Variants in GTF2F2 observed in about 807,000 individuals in gnomAD.
The protein encoded by GTF2F2 is general transcription factor IIF subunit 2, also known as ATP-dependent helicase GTF2F2.
GTF2F2 carries 23 observed loss-of-function variants against 42.2 expected under a neutral mutation model. The observed-to-expected ratio is 0.55, with a 90% confidence interval of 0.39 to 0.77. The LOEUF (loss-of-function observed/expected upper bound fraction) is 0.77, where lower values mean the gene tolerates loss of function less well. Among genes scored for constraint, GTF2F2 ranks in the 30% least tolerant of loss-of-function variants. GTF2F2 has a pLI of 0.00. For missense variants in GTF2F2, 261 were observed against 287.2 expected, an observed-to-expected ratio of 0.91 and a Z score of 0.66; for synonymous variants, 105 against 100.8, an observed-to-expected ratio of 1.04 and a Z score of -0.25.
intron 5 of GTF2F2, among the ~76,000 whole-genome samples, chr13:45,235,251 TTC>T (rs1473538256): frequency 6.6e-6 from 1 of 151,932 alleles, no homozygotes; most frequent in Non-Finnish European, 1.5e-5. Context: ...TTCCAGCAGT[TTC>T]TCTTTTAATT....
Position 45,153,086 on chromosome 13 carries a change from T to C in GTF2F2, c.304+1255T>C, listed in dbSNP as rs181910511. Among the ~76,000 whole-genome samples the C allele has an allele frequency of 6.4e-3, 975 of 151,222 alleles. 11 individuals carry two copies. The highest frequency in any genetic ancestry group is 0.023 in the African/African-American group (931 of 41,164). Reference sequence around the variant, plus strand: ...GTGCAGTGGAGAGATCTCGGCTCACTGCAAGCTCCGCCTACCGGGTTCACG... The same window carrying C: ...GTGCAGTGGAGAGATCTCGGCTCACCGCAAGCTCCGCCTACCGGGTTCACG... On this transcript the variant is annotated intron_variant, in intron 4 of 7. Coordinates refer to ENST00000340473, the MANE Select transcript of GTF2F2 (RefSeq NM_004128.3).
intron 6 of GTF2F2, among the ~76,000 whole-genome samples, chr13:45,266,645 C>A (rs1876572088): frequency 6.6e-6 from 1 of 152,148 alleles, no homozygotes; most frequent in South Asian, 2.1e-4. Flanking sequence ...TGAATTGATA[C>A]AGTTTTGGCA....
intron 1 of GTF2F2, among the ~76,000 whole-genome samples, chr13:45,136,075 A>G (rs1322811747): frequency 6.6e-6 from 1 of 152,254 alleles, no homozygotes; most frequent in African/African-American, 2.4e-5. Context: ...GCCTGGGTTC[A>G]AATCCTGTCT....
chr13:45,238,216 A>G (rs1875090228), intron 5 of GTF2F2, among the ~76,000 whole-genome samples: 1 of 152,136 alleles, frequency 6.6e-6, no homozygotes, highest in African/African-American at 2.4e-5. Flanking sequence ...CAGCCTCCCA[A>G]ACTGCTAGGA....
chr13:45,283,633 G>T lies in GTF2F2; in HGVS notation c.*72G>T. The T allele has an allele frequency of 1.5e-6, 2 of 1,357,736 alleles. No individual in the cohort carries two copies. Among genetic ancestry groups the T allele is most frequent in the South Asian group, 3.2e-5 (2 of 62,546 alleles). The allele number at this position is 1,357,736 out of a possible 1,614,324, so 84.1% of individuals were successfully genotyped here. On this transcript the variant is annotated 3_prime_UTR_variant, in exon 8 of 8. Transcript: ENST00000340473. ...ATGCAAAAGGCGCTGATACTGGAAG[G>T]CTTGAACACCGTATGTTAATAGGGG...
chr13:45,224,102 T>G (rs1484230534), intron 5 of GTF2F2, among the ~76,000 whole-genome samples: 1 of 152,218 alleles, frequency 6.6e-6, no homozygotes, highest in African/African-American at 2.4e-5. Context: ...GAATACCCAT[T>G]TTTTGATTAT....
At chr13:45,198,181 G>A (rs1199530163) in intron 4 of GTF2F2, among the ~76,000 whole-genome samples, 1 of 152,176 alleles carries the variant, frequency 6.6e-6, no homozygotes, top group African/African-American at 2.4e-5. Flanking sequence ...TCCACTATGA[G>A]GTAATACTAA....
At chr13:45,193,294 C>G (rs1872728044) in intron 4 of GTF2F2, 1 of 152,576 alleles carries the variant, frequency 6.6e-6, no homozygotes, top group East Asian at 1.9e-4. Context: ...TTCACTATAG[C>G]TCTGTTTTAG....
intron 1 of GTF2F2, among the ~76,000 whole-genome samples, chr13:45,129,300 C>G (rs964113563): frequency 1.3e-5 from 2 of 152,164 alleles, no homozygotes; most frequent in African/African-American, 4.8e-5. Flanking sequence ...CCTCGACCTC[C>G]CTGGGCTTAA....
intron 2 of GTF2F2, among the ~76,000 whole-genome samples, chr13:45,140,858 T>C (rs1319826940): frequency 6.6e-6 from 1 of 152,218 alleles, no homozygotes; most frequent in Non-Finnish European, 1.5e-5. Context: ...ACTTAGATGA[T>C]GAACCTCATG....
chr13:45,161,153 T>G (rs1871016618), intron 4 of GTF2F2, among the ~76,000 whole-genome samples: 2 of 152,176 alleles, frequency 1.3e-5, no homozygotes, highest in African/African-American at 4.8e-5. Context: ...AGCACTTTAG[T>G]GTAGTAGCAA....
chr13:45,148,541 C>T (rs1870319015), intron 2 of GTF2F2, among the ~76,000 whole-genome samples: 1 of 152,162 alleles, frequency 6.6e-6, no homozygotes, highest in African/African-American at 2.4e-5. Context: ...AGGCTGAGCT[C>T]AGAGTTCCGT....
At position 45,267,810 on chromosome 13, in the gene GTF2F2, ATT is replaced by A. The variant is rs201281124; in HGVS notation, c.630+453_630+454del. Reference sequence around the variant, plus strand: ...CTGTCTTGTGAATTGTTTTCTGTGGATTTTTTTTTTTTTTTTTTTTAATTAGA... The same window carrying A: ...CTGTCTTGTGAATTGTTTTCTGTGGATTTTTTTTTTTTTTTTTTAATTAGA... On this transcript the variant is annotated intron_variant, in intron 7 of 7. Coordinates refer to ENST00000340473, the MANE Select transcript of GTF2F2 (RefSeq NM_004128.3). Among the ~76,000 whole-genome samples the A allele has an allele frequency of 4.4e-3, 537 of 121,720 alleles. 2 individuals carry two copies. Among genetic ancestry groups the A allele is most frequent in the African/African-American group, 0.013 (441 of 34,364 alleles). 79.9% of individuals were successfully genotyped at this position (121,720 alleles called of 152,430 possible).
Position 45,275,227 on chromosome 13 carries a change from A to G in GTF2F2, c.630+7851A>G, listed in dbSNP as rs560800484. 4.9e-4 allele frequency among the ~76,000 whole-genome samples: 75 copies of G among 152,274 alleles called. 1 individual carries two copies. Among genetic ancestry groups the G allele is most frequent in the Middle Eastern group, 3.4e-3 (1 of 294 alleles). ...ACACATCAGTACAGCTGTCCTCAGTATGAGAGATTGGCTCCAGGACCTTCT... is the reference window on the plus strand; with the variant it reads ...ACACATCAGTACAGCTGTCCTCAGTGTGAGAGATTGGCTCCAGGACCTTCT... On this transcript the variant is annotated intron_variant, in intron 7 of 7. Coordinates refer to ENST00000340473, the MANE Select transcript of GTF2F2 (RefSeq NM_004128.3).
intron 2 of GTF2F2, among the ~76,000 whole-genome samples, chr13:45,146,605 C>T (rs1870205604): frequency 6.6e-6 from 1 of 151,906 alleles, no homozygotes; most frequent in Non-Finnish European, 1.5e-5. Context: ...AAAGCCAGGC[C>T]CCATTGGTAC....
At chr13:45,213,421 T>C (rs948006404) in intron 5 of GTF2F2, among the ~76,000 whole-genome samples, 3 of 152,168 alleles carry the variant, frequency 2.0e-5, no homozygotes, top group Admixed American at 2.0e-4. Flanking sequence ...GAGATCTTTC[T>C]GAGCCTTTAA....
chr13:45,206,880 A>G (rs1451915324), intron 4 of GTF2F2: 3 of 152,238 alleles, frequency 2.0e-5, no homozygotes, highest in African/African-American at 7.2e-5. Flanking sequence ...AACAGAAGTC[A>G]GAGCAGCTGG....
chr13:45,213,228 G>A (rs749974825), intron 5 of GTF2F2, among the ~76,000 whole-genome samples: 4 of 151,914 alleles, frequency 2.6e-5, no homozygotes, highest in Non-Finnish European at 5.9e-5. Flanking sequence ...ACAGGCACCC[G>A]CCACCACGCC....
At chr13:45,209,516 G>A (rs1216440057) in intron 5 of GTF2F2, among the ~76,000 whole-genome samples, 1 of 152,158 alleles carries the variant, frequency 6.6e-6, no homozygotes, top group Non-Finnish European at 1.5e-5. Flanking sequence ...GATGACATAA[G>A]TCTTGAAGAC....
Sources: allele counts gnomAD v4.1 joint callset (sites outside exome capture counted in the v4.1 genomes callset), GRCh38; gene constraint gnomAD v4.1.1; transcripts MANE v1.5; gene names NCBI Gene and HGNC (gene_info 2026-07-23, HGNC 2026-07-21).